The following NCKAP1 variants were observed in gnomAD, a reference collection of about 807,000 sequenced individuals.
NCKAP1 encodes the protein NCK associated protein 1, also known as nck-associated protein 1.
Under a neutral mutation model 151.2 loss-of-function variants are expected in NCKAP1, and 21 were observed. That is an observed-to-expected ratio of 0.14 (90% CI 0.10 to 0.20). NCKAP1 has a LOEUF of 0.20. NCKAP1 is among the 10% of genes least tolerant of loss of function. The pLI is 1.00. For synonymous variants in NCKAP1, 484 were observed against 451.8 expected, an observed-to-expected ratio of 1.07 and a Z score of -0.90; for missense variants, 933 against 1,352.1, an observed-to-expected ratio of 0.69 and a Z score of 4.86.
intron 7 of NCKAP1, 90 bp from the exon 8 acceptor site, chr2:182,994,977 T>C (rs1408935394): frequency 1.1e-5 from 12 of 1,044,524 alleles, no homozygotes; most frequent in Middle Eastern, 2.7e-4. Flanking sequence ...TCCTGATAAC[T>C]TACTACCCAA....
Position 182,920,919 on chromosome 2 carries a change from A to G in NCKAP1, c.*4783T>C, listed in dbSNP as rs1696541561. The G allele has an allele frequency of 6.6e-6, 1 of 152,186 alleles. No individual in the cohort carries two copies. 9.4% of individuals were successfully genotyped at this position (152,186 alleles called of 1,614,324 possible). On this transcript the variant is annotated 3_prime_UTR_variant, in exon 31 of 31. Transcript: ENST00000361354. ...AAAAAATCAGAAATAATGAAAGTAA[A>G]CAAGGGCAACATTATCTTAGGTTTG...
chr2:182,981,539 G>C (rs1697938911), intron 12 of NCKAP1, among the ~76,000 whole-genome samples, 163 bp from the exon 13 acceptor site: 1 of 151,582 alleles, frequency 6.6e-6, no homozygotes, highest in African/African-American at 2.4e-5. Flanking sequence ...CATGAATAAA[G>C]AAATCATGGA....
At chr2:183,008,943 T>A (rs1225596096) in intron 2 of NCKAP1, among the ~76,000 whole-genome samples, 1 of 152,202 alleles carries the variant, frequency 6.6e-6, no homozygotes, top group Non-Finnish European at 1.5e-5. Flanking sequence ...AGAATAGTCA[T>A]GTTTTAAAAG....
chr2:183,007,766 T>C (rs1698507574), intron 2 of NCKAP1, among the ~76,000 whole-genome samples: 2 of 152,210 alleles, frequency 1.3e-5, no homozygotes, highest in African/African-American at 4.8e-5. Context: ...TGCACTGAGA[T>C]GCTATTTGGG....
intron 2 of NCKAP1, among the ~76,000 whole-genome samples, chr2:183,005,787 A>G (rs913113125): frequency 1.3e-5 from 2 of 152,048 alleles, no homozygotes; most frequent in African/African-American, 4.8e-5. Flanking sequence ...TCTATTCACT[A>G]TTTTCTATAC....
At chr2:183,014,519 C>G (rs1037017358) in intron 2 of NCKAP1, among the ~76,000 whole-genome samples, 3 of 152,144 alleles carry the variant, frequency 2.0e-5, no homozygotes, top group African/African-American at 7.2e-5. Flanking sequence ...TACATTCTAT[C>G]CTACACTAGA....
chr2:182,982,697 G>A, intron 12 of NCKAP1, 124 bp downstream of exon 12: 1 of 637,334 alleles, frequency 1.6e-6, no homozygotes, highest in South Asian at 2.4e-5. Context: ...AATAATAGGT[G>A]TACTAAATGA....
Position 183,038,108 on chromosome 2 carries a change from T to TGGTGCC in NCKAP1, c.-15_-10dup. 1 of 1,545,536 alleles carries TGGTGCC rather than the reference T, an allele frequency of 6.5e-7. No homozygotes were observed. On this transcript the variant is annotated 5_prime_UTR_variant, in exon 1 of 31. Coordinates refer to ENST00000361354, the MANE Select transcript of NCKAP1 (RefSeq NM_013436.5). Reference sequence around the variant, plus strand: ...AGCACTGAGCGCGACATGGTGGTGCTGGTGCCGCCGCCGCCGCCGGCCGCC... The same window carrying TGGTGCC: ...AGCACTGAGCGCGACATGGTGGTGCTGGTGCCGGTGCCGCCGCCGCCGCCGGCCGCC...
At position 182,919,951 on chromosome 2, in the gene NCKAP1, C is replaced by T. The variant is rs1229024927; in HGVS notation, c.*5751G>A. 1.3e-5 allele frequency: 2 copies of T among 152,230 alleles called. No individual in the cohort carries two copies. The highest frequency in any genetic ancestry group is 2.9e-5 in the Non-Finnish European group (2 of 68,150). The allele number at this position is 152,230 out of a possible 1,614,324, so 9.4% of individuals were successfully genotyped here. A position where few individuals can be genotyped will look rare whatever the true frequency, so the allele number is the denominator to read the frequency against. ...ACAGGAGTGAGCCACCGCGTCTGGC[C>T]TTAATTATTATCGAGACCGGCTCTT... On this transcript the variant is annotated 3_prime_UTR_variant, in exon 31 of 31. Transcript: ENST00000361354.
chr2:183,010,023 A>G (rs1240542016), intron 2 of NCKAP1, among the ~76,000 whole-genome samples: 1 of 152,250 alleles, frequency 6.6e-6, no homozygotes, highest in Non-Finnish European at 1.5e-5. Flanking sequence ...TGTTTCTCTA[A>G]GTTCACACTG....
At chr2:182,983,817 G>A (rs545206203) in intron 10 of NCKAP1, among the ~76,000 whole-genome samples, 1 of 152,266 alleles carries the variant, frequency 6.6e-6, no homozygotes, top group South Asian at 2.1e-4. Context: ...CAGACTGCGT[G>A]AGCTCAGGAG....
chr2:182,976,639 T>A (rs1199374315), intron 15 of NCKAP1, among the ~76,000 whole-genome samples: 1 of 152,146 alleles, frequency 6.6e-6, no homozygotes, highest in East Asian at 1.9e-4. Flanking sequence ...ATCAGGATAA[T>A]CAAGAGAGAG....
At chr2:183,036,230 T>C (rs558140858) in intron 1 of NCKAP1, among the ~76,000 whole-genome samples, 54 of 152,304 alleles carry the variant, frequency 3.5e-4, no homozygotes, top group African/African-American at 1.2e-3. Flanking sequence ...ATATTAAAGT[T>C]TGATTGCATT....
At chr2:183,000,313 GT>G (rs2105873555) in intron 6 of NCKAP1, among the ~76,000 whole-genome samples, 1 of 152,270 alleles carries the variant, frequency 6.6e-6, no homozygotes, top group Admixed American at 6.5e-5. Context: ...ATTTGTTAAT[GT>G]GCTAATGCCT....
chr2:182,943,227 C>T (rs915950920), intron 23 of NCKAP1, among the ~76,000 whole-genome samples: 1 of 152,010 alleles, frequency 6.6e-6, no homozygotes, highest in Non-Finnish European at 1.5e-5. Flanking sequence ...TGGGAAGGTG[C>T]AGCAAGCATA....
chr2:182,964,812 T>C lies in NCKAP1; in HGVS notation c.1629-4A>G. ...CTCAAAAGCACGACTATAAAAACTA[T>C]ATAAACAAAAATCAGAATCACAATT... On this transcript the variant is annotated splice_region_variant and splice_polypyrimidine_tract_variant and intron_variant, in intron 16 of 30. Coordinates refer to ENST00000361354, the MANE Select transcript of NCKAP1 (RefSeq NM_013436.5). 6.3e-7 allele frequency: 1 copy of C among 1,585,334 alleles called. No individual in the cohort carries two copies. Among genetic ancestry groups the C allele is most frequent in the Non-Finnish European group, 8.6e-7 (1 of 1,167,844 alleles).
rs1698382181 is a variant in NCKAP1, at chr2:183,001,935, C to T, written c.603+18G>A. The T allele has an allele frequency of 6.3e-7, 1 of 1,597,544 alleles. No individual in the cohort carries two copies. Among genetic ancestry groups the T allele is most frequent in the Non-Finnish European group, 8.6e-7 (1 of 1,165,366 alleles). On this transcript the variant is annotated intron_variant, in intron 6 of 30. Coordinates refer to ENST00000361354, the MANE Select transcript of NCKAP1 (RefSeq NM_013436.5). ...GTTATATGCCCATTCTCTCATATGCCTAACAACTGCCTCTTACCTTGCTAT... is the reference window on the plus strand; with the variant it reads ...GTTATATGCCCATTCTCTCATATGCTTAACAACTGCCTCTTACCTTGCTAT...
In NCKAP1 at chr2:182,912,912, T is replaced by G. The variant is rs1381895108; in HGVS notation, c.*12790A>C. ...AAGAATTCAGCCAGATGAACTTTAGTTAAGTGCAATTTATGTTTTTGCTAA... is the reference window on the plus strand; with the variant it reads ...AAGAATTCAGCCAGATGAACTTTAGGTAAGTGCAATTTATGTTTTTGCTAA... On this transcript the variant is annotated 3_prime_UTR_variant, in exon 31 of 31. Coordinates refer to ENST00000361354, the MANE Select transcript of NCKAP1 (RefSeq NM_013436.5). 9.8e-6 allele frequency: 1 copy of G among 102,498 alleles called. No homozygotes were observed. The highest frequency in any genetic ancestry group is 2.8e-5 in the African/African-American group (1 of 35,394). The allele number at this position is 102,498 out of a possible 1,614,324, so 6.3% of individuals were successfully genotyped here. A position where few individuals can be genotyped will look rare whatever the true frequency, so the allele number is the denominator to read the frequency against.
intron 24 of NCKAP1, among the ~76,000 whole-genome samples, chr2:182,938,258 A>T (rs1305288409): frequency 6.6e-6 from 1 of 152,230 alleles, no homozygotes; most frequent in African/African-American, 2.4e-5. Context: ...AAAATTTGGG[A>T]TAAAATTTTT....
Sources: allele counts gnomAD v4.1 joint callset (sites outside exome capture counted in the v4.1 genomes callset), GRCh38; gene constraint gnomAD v4.1.1; transcripts MANE v1.5; gene names NCBI Gene and HGNC (gene_info 2026-07-23, HGNC 2026-07-21).